The following TTC33 variants were observed in gnomAD, a reference collection of about 807,000 sequenced individuals.
TTC33 encodes tetratricopeptide repeat domain 33, also known as tetratricopeptide repeat protein 33.
In TTC33, 24 loss-of-function variants were observed where a neutral mutation model predicts 29.4. That is an observed-to-expected ratio of 0.82 (90% CI 0.59 to 1.15). The LOEUF is 1.15. TTC33 is among the 50% of genes most tolerant of loss of function. The pLI is 0.00. For missense variants in TTC33, 286 were observed against 310.4 expected (o/e 0.92, Z 0.59); for synonymous variants, 107 against 100.3 (o/e 1.07, Z -0.40).
rs150159437 is a variant in TTC33, at chr5:40,741,743, C to A, written c.221+5055G>T. Among the ~76,000 whole-genome samples, 632 of 152,282 alleles carry A rather than the reference C, an allele frequency of 4.2e-3. 3 individuals carry two copies. Among genetic ancestry groups the A allele is most frequent in the African/African-American group, 0.015 (606 of 41,560 alleles). ...GTAGCTCACACCTGTAATTCCAGCA[C>A]TCTGGGTGGCCAAGAACGCCAGATT... On this transcript the variant is annotated intron_variant, in intron 2 of 4. Transcript: ENST00000337702.
intron 1 of TTC33, among the ~76,000 whole-genome samples, chr5:40,753,463 CCTGGAGGACTAAT>C (rs1391549162): frequency 1.8e-4 from 27 of 151,522 alleles, no homozygotes; most frequent in African/African-American, 5.3e-4. Context: ...TTTTTTAAAA[CCTGGAGGACTAAT>C]GGATTATAAA....
intron 2 of TTC33, among the ~76,000 whole-genome samples, chr5:40,737,776 A>AT (rs1357691850): frequency 6.6e-6 from 1 of 152,106 alleles, no homozygotes; most frequent in Non-Finnish European, 1.5e-5. Flanking sequence ...ACAACTACTG[A>AT]TTTTTTCTGT....
chr5:40,730,145 G>A, intron 3 of TTC33, 117 bp downstream of exon 3: 1 of 745,222 alleles, frequency 1.3e-6, no homozygotes, highest in Non-Finnish European at 2.1e-6. Context: ...TTTTCCCAAA[G>A]AAACCGTATT....
chr5:40,719,776 T>A (rs1742086257), intron 4 of TTC33, among the ~76,000 whole-genome samples: 1 of 152,250 alleles, frequency 6.6e-6, no homozygotes, highest in South Asian at 2.1e-4. Context: ...TGATTTTCAT[T>A]TCCTTGACAA....
At chr5:40,733,265 G>A (rs1197627213) in intron 2 of TTC33, among the ~76,000 whole-genome samples, 1 of 152,136 alleles carries the variant, frequency 6.6e-6, no homozygotes, top group Non-Finnish European at 1.5e-5. Flanking sequence ...TGAGGAAGGG[G>A]CTGAAGGTCT....
Position 40,713,015 on chromosome 5 carries a change from C to A in TTC33, c.*3130G>T, listed in dbSNP as rs1741927615. 6.6e-6 allele frequency among the ~76,000 whole-genome samples: 1 copy of A among 151,894 alleles called. No individual in the cohort carries two copies. Among genetic ancestry groups the A allele is most frequent in the African/African-American group, 2.4e-5 (1 of 41,366 alleles). The stretch of plus-strand genomic sequence containing the variant: ...TTTTATAATTTATATATTTCAATAT[C>A]TTATTATTGGTAAGAAAAACTTAAC... On this transcript the variant is annotated 3_prime_UTR_variant, in exon 5 of 5. Coordinates refer to ENST00000337702, the MANE Select transcript of TTC33 (RefSeq NM_012382.3).
At chr5:40,737,299 C>CAAA (rs574558543) in intron 2 of TTC33, among the ~76,000 whole-genome samples, 2 of 116,404 alleles carry the variant, frequency 1.7e-5, no homozygotes, top group Non-Finnish European at 1.8e-5. Flanking sequence ...GGCTCCACCT[C>CAAA]AAAAAAAAAA....
At chr5:40,751,911 C>G (rs1007290022) in intron 1 of TTC33, among the ~76,000 whole-genome samples, 1 of 148,738 alleles carries the variant, frequency 6.7e-6, no homozygotes, top group African/African-American at 2.5e-5. Context: ...GAGCCAAGAT[C>G]ATGCCATTGC....
intron 2 of TTC33, 48 bp downstream of exon 2, chr5:40,746,750 T>C (rs1478425933): frequency 1.2e-5 from 17 of 1,404,732 alleles, no homozygotes; most frequent in Non-Finnish European, 1.6e-5. Context: ...GACAGTGAGC[T>C]AGAAAATGTA....
chr5:40,728,585 G>T, intron 3 of TTC33, 109 bp from the exon 4 acceptor site: 1 of 1,061,218 alleles, frequency 9.4e-7, no homozygotes. Flanking sequence ...AGTAAAAATA[G>T]CATTTCGGTG....
intron 1 of TTC33, among the ~76,000 whole-genome samples, chr5:40,750,075 G>A (rs1404469971): frequency 1.6e-5 from 2 of 127,130 alleles, no homozygotes; most frequent in African/African-American, 6.2e-5. Context: ...GCAACAGAGC[G>A]AAACTCCATC....
Position 40,715,468 on chromosome 5 carries a change from T to A in TTC33, c.*677A>T, listed in dbSNP as rs1741979567. ...TTAAAAAATAAAACCATCATTCTCATATTTATCAATACTTTACACTTTTAC... is the reference window on the plus strand; with the variant it reads ...TTAAAAAATAAAACCATCATTCTCAAATTTATCAATACTTTACACTTTTAC... On this transcript the variant is annotated 3_prime_UTR_variant, in exon 5 of 5. Coordinates refer to ENST00000337702, the MANE Select transcript of TTC33 (RefSeq NM_012382.3). The A allele has an allele frequency of 6.6e-6, 1 of 152,326 alleles. No individual in the cohort carries two copies. Among genetic ancestry groups the A allele is most frequent in the South Asian group, 2.1e-4 (1 of 4,834 alleles). 9.4% of individuals were successfully genotyped at this position (152,326 alleles called of 1,614,324 possible).
chr5:40,737,935 C>T (rs1054767993), intron 2 of TTC33, among the ~76,000 whole-genome samples: 3 of 152,166 alleles, frequency 2.0e-5, no homozygotes, highest in African/African-American at 7.2e-5. Flanking sequence ...GGATATACCA[C>T]AATTTATTCA....
At chr5:40,747,835 T>G (rs180819705) in intron 1 of TTC33, among the ~76,000 whole-genome samples, 1 of 152,302 alleles carries the variant, frequency 6.6e-6, no homozygotes, top group Admixed American at 6.5e-5. Flanking sequence ...GAAAACTTTT[T>G]TTTTTCTGAG....
At chr5:40,737,601 T>C (rs965431954) in intron 2 of TTC33, among the ~76,000 whole-genome samples, 2 of 152,222 alleles carry the variant, frequency 1.3e-5, no homozygotes, top group African/African-American at 4.8e-5. Context: ...GTGATTTATA[T>C]ATCAAAAAAC....
rs1306435897 is a variant in TTC33, at chr5:40,712,742, G to A, written c.*3403C>T. Reference sequence around the variant, plus strand: ...ATATCTTAAACTCCCTCCTTTCCTGGTGAAGTGAGAGAAAGAGATTAGAAT... The same window carrying A: ...ATATCTTAAACTCCCTCCTTTCCTGATGAAGTGAGAGAAAGAGATTAGAAT... On this transcript the variant is annotated 3_prime_UTR_variant, in exon 5 of 5. Transcript: ENST00000337702. 6.6e-6 allele frequency among the ~76,000 whole-genome samples: 1 copy of A among 152,152 alleles called. No homozygotes were observed. The highest frequency in any genetic ancestry group is 2.4e-5 in the African/African-American group (1 of 41,440).
In TTC33 at chr5:40,728,483, G is replaced by A; in HGVS notation, c.304-7C>T. 1.3e-6 allele frequency: 2 copies of A among 1,580,098 alleles called. No homozygotes were observed. The highest frequency in any genetic ancestry group is 1.7e-6 in the Non-Finnish European group (2 of 1,167,894). On this transcript the variant is annotated splice_region_variant and splice_polypyrimidine_tract_variant and intron_variant, in intron 3 of 4. Coordinates refer to ENST00000337702, the MANE Select transcript of TTC33 (RefSeq NM_012382.3). ...CATGAAGAGACATTAGCACCTATAG[G>A]CAAAAAAAGACCAAAAAATCTGTCA...
rs183861279 is a variant in TTC33 at position 40,730,435 on chromosome 5, T to C, written c.222-92A>G. On this transcript the variant is annotated intron_variant, in intron 2 of 4. Coordinates refer to ENST00000337702, the MANE Select transcript of TTC33 (RefSeq NM_012382.3). ...TTTTTATTGTAGTAAAATATAAAAT[T>C]TACCATCTTAACCATTTAAGTGTAC... The C allele has an allele frequency of 9.9e-4, 959 of 967,300 alleles. 4 individuals carry two copies. In the African/African-American group the frequency reaches 0.014, roughly 14 times the overall value. The allele number at this position is 967,300 out of a possible 1,614,324, so 59.9% of individuals were successfully genotyped here.
intron 2 of TTC33, among the ~76,000 whole-genome samples, chr5:40,736,697 T>C (rs909950097): frequency 7.9e-5 from 12 of 152,224 alleles, no homozygotes; most frequent in African/African-American, 2.7e-4. Flanking sequence ...TATTAGGTGC[T>C]AGGTAGCATG....
Sources: gnomAD v4.1 joint callset for allele counts (sites outside exome capture counted in the v4.1 genomes callset) on GRCh38, gnomAD v4.1.1 for gene constraint, MANE v1.5 for transcripts, NCBI Gene and HGNC (gene_info 2026-07-23, HGNC 2026-07-21) for gene names.